Variants in LRTM1 observed in about 807,000 individuals in gnomAD.
LRTM1 encodes leucine-rich repeat and transmembrane domain-containing protein 1.
Under a neutral mutation model 32.4 loss-of-function variants are expected in LRTM1, and 38 were observed. That is an observed-to-expected ratio of 1.17 (90% CI 0.91 to 1.54). The LOEUF is 1.54. Ranked by LOEUF, LRTM1 falls within the 40% of genes most tolerant of loss-of-function variation. LRTM1 has a pLI of 0.00. For missense variants in LRTM1, 466 were observed against 415.4 expected (o/e 1.12, Z -1.06); for synonymous variants, 186 against 169.9 (o/e 1.09, Z -0.74).
chr3:54,960,290 CAT>C lies in LRTM1; in HGVS notation c.-222+6636_-222+6637del, dbSNP rs10541138. Among the ~76,000 whole-genome samples the C allele has an allele frequency of 8.8e-3, 1,335 of 152,204 alleles. 24 individuals are homozygous for C. The highest frequency in any genetic ancestry group is 0.03 in the African/African-American group (1,259 of 41,528). ...TCTCCTCCCTCTCTCTCACCACAGA[CAT>C]ATATCATGGAGTGCTTTGTTATTTA... On this transcript the variant is annotated intron_variant, in intron 1 of 2. Coordinates refer to the LRTM1 transcript ENST00000493075.
intron 1 of LRTM1, among the ~76,000 whole-genome samples, chr3:54,953,856 G>C (rs1382185109): frequency 6.6e-6 from 1 of 152,168 alleles, no homozygotes; most frequent in East Asian, 1.9e-4. Context: ...AAGCAGACCT[G>C]AGGAAAGGCC....
Position 54,927,972 on chromosome 3 carries a change from A to G in LRTM1, c.-61T>C. On this transcript the variant is annotated 5_prime_UTR_variant, in exon 1 of 3. Transcript: ENST00000273286. The stretch of plus-strand genomic sequence containing the variant: ...AGACCCTTTAATTAATGTGCAGAGC[A>G]ACACACGAAGGGCATGGCAGACTCA... The G allele has an allele frequency of 6.4e-7, 1 of 1,552,700 alleles. No individual in the cohort carries two copies. Among genetic ancestry groups the G allele is most frequent in the Non-Finnish European group, 8.9e-7 (1 of 1,124,884 alleles).
chr3:54,923,476 G>A (rs1243239535), intron 2 of LRTM1, among the ~76,000 whole-genome samples: 1 of 152,002 alleles, frequency 6.6e-6, no homozygotes, highest in Non-Finnish European at 1.5e-5. Flanking sequence ...TCAAAAATGA[G>A]ACCCACATTC....
intron 1 of LRTM1, among the ~76,000 whole-genome samples, chr3:54,951,039 A>G (rs2107015291): frequency 6.6e-6 from 1 of 152,368 alleles, no homozygotes; most frequent in Non-Finnish European, 1.5e-5. Context: ...CTCCAAATGA[A>G]ATTCATAGAA....
At chr3:54,929,182 C>T (rs1205263697), upstream of LRTM1, among the ~76,000 whole-genome samples, 1 of 152,116 alleles carries the variant, frequency 6.6e-6, no homozygotes, top group Non-Finnish European at 1.5e-5. Context: ...AAGTGACTTA[C>T]CCACCCAGAG....
intron 1 of LRTM1, among the ~76,000 whole-genome samples, chr3:54,944,211 T>A (rs185700170): frequency 2.6e-3 from 394 of 152,276 alleles, no homozygotes; most frequent in African/African-American, 9.0e-3. Context: ...CTTCATTCAT[T>A]GTGCTGAGGA....
chr3:54,944,814 G>GGT (rs34193625), intron 1 of LRTM1, among the ~76,000 whole-genome samples: 9,433 of 111,286 alleles, frequency 0.085, 339 homozygotes, highest in Non-Finnish European at 0.1. Flanking sequence ...TAGAGCTGGG[G>GGT]GTGTGTGTGT....
At chr3:54,931,022 G>A (rs1163999289), upstream of LRTM1, among the ~76,000 whole-genome samples, 1 of 152,212 alleles carries the variant, frequency 6.6e-6, no homozygotes, top group Admixed American at 6.5e-5. Context: ...CTTGAACCCA[G>A]GAGGCAGAGG....
chr3:54,959,762 G>C (rs1701986520), intron 1 of LRTM1, among the ~76,000 whole-genome samples: 1 of 152,142 alleles, frequency 6.6e-6, no homozygotes, highest in African/African-American at 2.4e-5. Context: ...AAATGTATTG[G>C]CTTGAAAACT....
chr3:54,952,820 G>A (rs1180281043), intron 1 of LRTM1, among the ~76,000 whole-genome samples: 1 of 152,128 alleles, frequency 6.6e-6, no homozygotes, highest in African/African-American at 2.4e-5. Flanking sequence ...CTATCTATGA[G>A]GATTCCACGT....
intron 2 of LRTM1, among the ~76,000 whole-genome samples, chr3:54,919,291 C>G (rs1210897492): frequency 6.6e-6 from 1 of 152,176 alleles, no homozygotes; most frequent in Non-Finnish European, 1.5e-5. Flanking sequence ...GTACCAGATT[C>G]CCATTGAAAA....
intron 1 of LRTM1, among the ~76,000 whole-genome samples, chr3:54,963,291 G>T (rs1702073959): frequency 6.6e-6 from 1 of 152,044 alleles, no homozygotes; most frequent in African/African-American, 2.4e-5. Context: ...GTATGGACGG[G>T]TTTGTGGAGA....
At chr3:54,940,494 G>A (rs1245843302) in intron 1 of LRTM1, among the ~76,000 whole-genome samples, 2 of 152,002 alleles carry the variant, frequency 1.3e-5, no homozygotes, top group Non-Finnish European at 2.9e-5. Context: ...ACAGAGCTTC[G>A]GGCCATGTGT....
chr3:54,933,028 T>C (rs1387839967), upstream of LRTM1, among the ~76,000 whole-genome samples: 1 of 150,872 alleles, frequency 6.6e-6, no homozygotes, highest in Non-Finnish European at 1.5e-5. Context: ...AGTTTTAATA[T>C]TGTCTTCCAT....
rs190128353 is a variant in LRTM1 at position 54,924,860 on chromosome 3, G to A, written c.363C>T (p.Leu121=). The part of the protein sequence containing the change: ...LSLESRLFHS[L]PQLRELDLSS... ...ACAAATCAAGCTCCCTCAGCTGAGG[G>A]AGGGAATGGAAAAGTCTGCTTTCCA... Residue 121 remains leucine, a synonymous_variant, in exon 2 of 3, where the codon CTC becomes CTT. Transcript: ENST00000273286. 6.2e-7 allele frequency: 1 copy of A among 1,613,956 alleles called. No homozygotes were observed.
intron 1 of LRTM1, among the ~76,000 whole-genome samples, chr3:54,960,324 T>A (rs1265582100): frequency 6.6e-6 from 1 of 152,260 alleles, no homozygotes; most frequent in South Asian, 2.1e-4. Context: ...TTTAAAAGCA[T>A]GTATAAGAAA....
At chr3:54,956,098 C>T (rs1467633064) in intron 1 of LRTM1, among the ~76,000 whole-genome samples, 2 of 152,210 alleles carry the variant, frequency 1.3e-5, no homozygotes, top group African/African-American at 4.8e-5. Flanking sequence ...CTCATAATCA[C>T]CTCATGTGCA....
At chr3:54,942,394 C>T (rs940874958) in intron 1 of LRTM1, among the ~76,000 whole-genome samples, 2 of 152,188 alleles carry the variant, frequency 1.3e-5, no homozygotes, top group African/African-American at 4.8e-5. Context: ...AGAGCATGCA[C>T]ACCTTCTGAT....
chr3:54,961,484 T>C (rs1702028548), intron 1 of LRTM1, among the ~76,000 whole-genome samples: 1 of 152,248 alleles, frequency 6.6e-6, no homozygotes, highest in African/African-American at 2.4e-5. Flanking sequence ...ACTATATTCC[T>C]ACCTATGGAT....
Sources: allele counts gnomAD v4.1 joint callset (sites outside exome capture counted in the v4.1 genomes callset), GRCh38; gene constraint gnomAD v4.1.1; transcripts MANE v1.5; gene names NCBI Gene and HGNC (gene_info 2026-07-23, HGNC 2026-07-21).